The following ZNF708 variants were observed in gnomAD, a reference collection of about 807,000 sequenced individuals.
ZNF708 encodes the protein ZNF15, ZNF15L1.
ZNF708 carries 44 observed loss-of-function variants against 47.0 expected under a neutral mutation model. The ratio of observed to expected loss-of-function variants is 0.94; its 90% confidence interval spans 0.74 to 1.20. The LOEUF (loss-of-function observed/expected upper bound fraction) is 1.20, where lower values mean the gene tolerates loss of function less well. ZNF708 is among the 50% of genes most tolerant of loss of function. The pLI, the probability that ZNF708 is intolerant of heterozygous loss-of-function variation, is 0.00. For synonymous variants in ZNF708, 184 were observed against 218.5 expected (o/e 0.84, Z 1.39); for missense variants, 557 against 656.0 (o/e 0.85, Z 1.65).
rs1415167647 is a variant in ZNF708 at position 21,294,145 on chromosome 19, T to C, written c.821A>G (p.His274Arg). The C allele has an allele frequency of 1.2e-6, 2 of 1,612,500 alleles. No individual in the cohort carries two copies. The highest frequency in any genetic ancestry group is 1.7e-6 in the Non-Finnish European group (2 of 1,179,588). Residue 274 changes from histidine to arginine, a missense_variant, in exon 4 of 4, where the codon CAT becomes CGT. By Grantham distance (29) the His-to-Arg change is conservative. Transcript: ENST00000356929. ...ACATTTGTAGGGTTTCTCTCCAGTA[T>C]GAACTATCTTATGTTTAGTAAGGTT... is the stretch of plus-strand genomic sequence containing the variant. Reference protein sequence around the residue: ...SSNLTKHKIVHTGEKPYKCEE... With the variant: ...SSNLTKHKIVRTGEKPYKCEE...
intron 3 of ZNF708, among the ~76,000 whole-genome samples, chr19:21,298,306 CT>C (rs757633249): frequency 5.3e-5 from 8 of 152,016 alleles, no homozygotes; most frequent in African/African-American, 1.4e-4. Context: ...TTTTTTAAAA[CT>C]GAAATTTTAT....
chr19:21,316,149 T>TC (rs1446297404), intron 1 of ZNF708, among the ~76,000 whole-genome samples: 12 of 148,532 alleles, frequency 8.1e-5, no homozygotes, highest in Non-Finnish European at 1.8e-4. Context: ...TTTTTTTTTT[T>TC]TGAGACAGGG....
intron 1 of ZNF708, among the ~76,000 whole-genome samples, chr19:21,316,395 G>A (rs940727240): frequency 2.0e-5 from 3 of 151,868 alleles, no homozygotes; most frequent in Non-Finnish European, 4.4e-5. Context: ...CAAAGTGCTG[G>A]GATTACAGGA....
intron 3 of ZNF708, among the ~76,000 whole-genome samples, chr19:21,305,608 G>A (rs748854459): frequency 2.0e-5 from 3 of 151,552 alleles, no homozygotes; most frequent in Non-Finnish European, 4.4e-5. Context: ...ACAGGCACCC[G>A]CCACCACGCC....
At chr19:21,322,008 C>G (rs2145185839) in intron 1 of ZNF708, among the ~76,000 whole-genome samples, 1 of 152,244 alleles carries the variant, frequency 6.6e-6, no homozygotes, top group Middle Eastern at 3.4e-3. Context: ...AGATTATGAA[C>G]AGGTGGTCCA....
intron 1 of ZNF708, among the ~76,000 whole-genome samples, chr19:21,311,383 CTT>C (rs60692556): frequency 1.3e-4 from 19 of 149,114 alleles, no homozygotes; most frequent in Admixed American, 2.7e-4. Flanking sequence ...CTTATTTTGT[CTT>C]TTTTTTTTTA....
intron 1 of ZNF708, among the ~76,000 whole-genome samples, chr19:21,319,893 C>T (rs905262004): frequency 2.0e-5 from 3 of 152,030 alleles, no homozygotes; most frequent in Admixed American, 6.6e-5. Flanking sequence ...AGCAGTGTGG[C>T]GGCCAGACTT....
In ZNF708 at chr19:21,329,255, C is replaced by T. The variant is rs370678667; in HGVS notation, c.-43G>A. ...GTCCTGGAGTCTTAGCTGTGGATCT[C>T]CCAATACCTGCAGGTCACAGAGCCA... On this transcript the variant is annotated 5_prime_UTR_variant, in exon 1 of 4. Transcript: ENST00000356929. The T allele has an allele frequency of 3.1e-6, 5 of 1,609,448 alleles. No homozygotes were observed. The highest frequency in any genetic ancestry group is 4.2e-6 in the Non-Finnish European group (5 of 1,176,940).
At chr19:21,315,763 G>A (rs1972988474) in intron 1 of ZNF708, among the ~76,000 whole-genome samples, 2 of 150,148 alleles carry the variant, frequency 1.3e-5, no homozygotes, top group African/African-American at 2.4e-5. Flanking sequence ...ATAGGGTGTG[G>A]GTTATAGTGT....
chr19:21,316,127 TTTTTTC>T (rs1415517370), intron 1 of ZNF708, among the ~76,000 whole-genome samples: 11 of 62,282 alleles, frequency 1.8e-4, no homozygotes, highest in South Asian at 6.4e-4. Context: ...TTTTCTTTTC[TTTTTTC>T]TTTTTTTTTT....
chr19:21,302,128 T>G (rs1972672778), intron 3 of ZNF708, among the ~76,000 whole-genome samples: 2 of 152,144 alleles, frequency 1.3e-5, no homozygotes, highest in Admixed American at 1.3e-4. Context: ...TGAGTCCATT[T>G]TTTTGAAAAT....
Position 21,291,473 on chromosome 19 carries a change from G to A in ZNF708, c.*1801C>T, listed in dbSNP as rs1014619952. ...GACAACTGATCACATGCTTTCACAT[G>A]TGAATACAATAGAAATGAAGAAATA... is the stretch of plus-strand genomic sequence containing the variant. On this transcript the variant is annotated 3_prime_UTR_variant, in exon 4 of 4. Coordinates refer to ENST00000356929, the MANE Select transcript of ZNF708 (RefSeq NM_021269.3). The A allele has an allele frequency of 3.3e-5, 5 of 152,114 alleles. No individual in the cohort carries two copies. The highest frequency in any genetic ancestry group is 1.2e-4 in the African/African-American group (5 of 41,412). The allele number at this position is 152,114 out of a possible 1,614,324, so 9.4% of individuals were successfully genotyped here. A position where few individuals can be genotyped will look rare whatever the true frequency, so the allele number is the denominator to read the frequency against.
chr19:21,324,780 A>C (rs1973223019), intron 1 of ZNF708, among the ~76,000 whole-genome samples: 1 of 152,218 alleles, frequency 6.6e-6, no homozygotes, highest in African/African-American at 2.4e-5. Flanking sequence ...CAAGTTTCAA[A>C]TAAAATTTAG....
chr19:21,297,525 A>G (rs1972564820), intron 3 of ZNF708, among the ~76,000 whole-genome samples: 2 of 149,986 alleles, frequency 1.3e-5, no homozygotes, highest in African/African-American at 4.9e-5. Context: ...TAATACAAAA[A>G]CCAAAGGACA....
chr19:21,329,338 C>A lies in ZNF708; in HGVS notation c.-126G>T. On this transcript the variant is annotated 5_prime_UTR_variant, in exon 1 of 4. Coordinates refer to ENST00000356929, the MANE Select transcript of ZNF708 (RefSeq NM_021269.3). ...CAGCAGTGAAGACGAGACCGGAGCTCCGGCTGCAGCAAGAGACAAAGGCCG... is the reference window on the plus strand; with the variant it reads ...CAGCAGTGAAGACGAGACCGGAGCTACGGCTGCAGCAAGAGACAAAGGCCG... The A allele has an allele frequency of 6.9e-7, 1 of 1,453,464 alleles. No homozygotes were observed. Among genetic ancestry groups the A allele is most frequent in the Non-Finnish European group, 9.5e-7 (1 of 1,050,990 alleles). 90.0% of individuals were successfully genotyped at this position (1,453,464 alleles called of 1,614,324 possible).
At chr19:21,300,318 T>TGGC (rs1414792720) in intron 3 of ZNF708, among the ~76,000 whole-genome samples, 1 of 151,270 alleles carries the variant, frequency 6.6e-6, no homozygotes, top group Non-Finnish European at 1.5e-5. Context: ...GAGACCAGCC[T>TGGC]CAACATGGAG....
chr19:21,321,398 G>A (rs575273129), intron 1 of ZNF708, among the ~76,000 whole-genome samples: 1 of 152,106 alleles, frequency 6.6e-6, no homozygotes, highest in African/African-American at 2.4e-5. Context: ...GACCAGTCTG[G>A]CCAACATGGT....
chr19:21,299,729 C>T (rs1160566517), intron 3 of ZNF708, among the ~76,000 whole-genome samples: 4 of 148,716 alleles, frequency 2.7e-5, no homozygotes, highest in Admixed American at 2.0e-4. Flanking sequence ...GCCAAGATCA[C>T]ACCACTGCAC....
intron 3 of ZNF708, among the ~76,000 whole-genome samples, chr19:21,307,552 G>T (rs1972811319): frequency 6.6e-6 from 1 of 152,070 alleles, no homozygotes; most frequent in Non-Finnish European, 1.5e-5. Context: ...AACCCGGGAG[G>T]CGGAGGTTGC....
Sources: allele counts gnomAD v4.1 joint callset (sites outside exome capture counted in the v4.1 genomes callset), GRCh38; gene constraint gnomAD v4.1.1; transcripts MANE v1.5; gene names NCBI Gene and HGNC (gene_info 2026-07-23, HGNC 2026-07-21).